The following ZNF804B variants were observed in gnomAD, a reference collection of about 807,000 sequenced individuals.
ZNF804B encodes zinc finger 804B.
Under a neutral mutation model 101.4 loss-of-function variants are expected in ZNF804B, and 80 were observed. The observed-to-expected ratio is 0.79, with a 90% confidence interval of 0.66 to 0.95. The LOEUF (loss-of-function observed/expected upper bound fraction) is 0.95, where lower values mean the gene tolerates loss of function less well. Ranked by LOEUF, ZNF804B falls within the 40% of genes least tolerant of loss-of-function variation. The probability of loss-of-function intolerance (pLI) is 0.00; values close to 1 mark genes in which losing one functional copy is unlikely to be tolerated. For synonymous variants in ZNF804B, 622 were observed against 558.8 expected (o/e 1.11, Z -1.59); for missense variants, 1,673 against 1,561.9 (o/e 1.07, Z -1.20).
At chr7:88,905,368 T>G (rs966724759) in intron 1 of ZNF804B, among the ~76,000 whole-genome samples, 2 of 151,070 alleles carry the variant, frequency 1.3e-5, no homozygotes, top group African/African-American at 4.9e-5. Flanking sequence ...TGTTTTTTGT[T>G]TTTTTTTTAG....
intron 2 of ZNF804B, among the ~76,000 whole-genome samples, chr7:89,253,448 T>G (rs1157219189): frequency 6.6e-6 from 1 of 151,908 alleles, no homozygotes. Context: ...AATAAAAGAG[T>G]ATTAGGAAAA....
chr7:88,900,360 G>T (rs2115951155), intron 1 of ZNF804B, among the ~76,000 whole-genome samples: 1 of 151,682 alleles, frequency 6.6e-6, no homozygotes, highest in Non-Finnish European at 1.5e-5. Context: ...TATGGATATT[G>T]CATTCCTATT....
chr7:89,173,214 T>C (rs1191482114), intron 1 of ZNF804B, among the ~76,000 whole-genome samples: 1 of 152,112 alleles, frequency 6.6e-6, no homozygotes, highest in East Asian at 1.9e-4. Context: ...CATTATGAGC[T>C]TTTATTATTT....
chr7:88,877,026 AATATATAT>A (rs1231449305), intron 1 of ZNF804B, among the ~76,000 whole-genome samples: 42 of 41,098 alleles, frequency 1.0e-3, no homozygotes, highest in South Asian at 1.4e-3. Flanking sequence ...ATATATATAT[AATATATAT>A]ATATATATAT....
At chr7:88,891,462 TTA>T (rs1285100825) in intron 1 of ZNF804B, among the ~76,000 whole-genome samples, 3 of 152,138 alleles carry the variant, frequency 2.0e-5, no homozygotes, top group African/African-American at 7.2e-5. Flanking sequence ...TCCTTATGCA[TTA>T]TATGTCTATT....
At chr7:88,980,715 A>G (rs1400597029) in intron 1 of ZNF804B, among the ~76,000 whole-genome samples, 1 of 151,972 alleles carries the variant, frequency 6.6e-6, no homozygotes, top group Non-Finnish European at 1.5e-5. Context: ...AGGGGGTGAC[A>G]CAAGCATCGC....
At chr7:89,021,567 A>G (rs1258427572) in intron 1 of ZNF804B, among the ~76,000 whole-genome samples, 1 of 152,180 alleles carries the variant, frequency 6.6e-6, no homozygotes, top group Non-Finnish European at 1.5e-5. Flanking sequence ...GCACAGGTAC[A>G]TCACTGCTAG....
At chr7:89,239,865 G>C (rs980223299) in intron 2 of ZNF804B, among the ~76,000 whole-genome samples, 5 of 150,930 alleles carry the variant, frequency 3.3e-5, no homozygotes, top group Admixed American at 2.0e-4. Flanking sequence ...AACTTTCATT[G>C]AAAAATCTAG....
chr7:89,088,297 A>G (rs549223432), intron 1 of ZNF804B, among the ~76,000 whole-genome samples: 1 of 152,190 alleles, frequency 6.6e-6, no homozygotes, highest in African/African-American at 2.4e-5. Flanking sequence ...TGACATGTAA[A>G]TAAATTCCCA....
chr7:88,764,348 T>C (rs979807609), intron 1 of ZNF804B, among the ~76,000 whole-genome samples: 7 of 152,186 alleles, frequency 4.6e-5, no homozygotes, highest in Non-Finnish European at 8.8e-5. Context: ...TCCTGGAATA[T>C]CTTTTTCTGG....
intron 1 of ZNF804B, among the ~76,000 whole-genome samples, chr7:88,879,825 G>A (rs1792006475): frequency 6.6e-6 from 1 of 152,140 alleles, no homozygotes; most frequent in South Asian, 2.1e-4. Context: ...GATTGCTTGA[G>A]CTCAGAAGTT....
At chr7:89,319,037 C>T (rs556963348) in intron 2 of ZNF804B, among the ~76,000 whole-genome samples, 4 of 152,288 alleles carry the variant, frequency 2.6e-5, no homozygotes, top group African/African-American at 9.6e-5. Context: ...AGACACAGAT[C>T]GCTCATGCTA....
chr7:88,790,162 A>T (rs890105541), intron 1 of ZNF804B, among the ~76,000 whole-genome samples: 18 of 152,158 alleles, frequency 1.2e-4, no homozygotes, highest in African/African-American at 3.4e-4. Context: ...TTATATGAAT[A>T]TTAAATATTA....
At chr7:88,866,901 A>G (rs1024032885) in intron 1 of ZNF804B, among the ~76,000 whole-genome samples, 8 of 152,206 alleles carry the variant, frequency 5.3e-5, no homozygotes, top group Admixed American at 3.9e-4. Flanking sequence ...CCTAGAATTG[A>G]TTACAGTCAA....
chr7:88,975,235 A>C (rs946930433), intron 1 of ZNF804B, among the ~76,000 whole-genome samples: 1 of 151,390 alleles, frequency 6.6e-6, no homozygotes, highest in South Asian at 2.1e-4. Flanking sequence ...TGCTGCAATA[A>C]ACATGGGAGG....
intron 1 of ZNF804B, among the ~76,000 whole-genome samples, chr7:89,075,347 A>T (rs772123533): frequency 3.9e-5 from 6 of 152,154 alleles, no homozygotes; most frequent in Non-Finnish European, 8.8e-5. Context: ...GCTGCGTGCC[A>T]TCTAGGGACT....
chr7:89,164,852 T>G (rs551249422), intron 1 of ZNF804B, among the ~76,000 whole-genome samples: 8 of 152,078 alleles, frequency 5.3e-5, no homozygotes, highest in Non-Finnish European at 1.2e-4. Context: ...GGCTAAATAA[T>G]GAGATTAAGG....
intron 1 of ZNF804B, among the ~76,000 whole-genome samples, chr7:89,184,747 A>G (rs1035894702): frequency 1.3e-5 from 2 of 152,140 alleles, no homozygotes; most frequent in African/African-American, 2.4e-5. Flanking sequence ...AGAGAGCTAT[A>G]TTTGGAACAA....
intron 3 of ZNF804B, among the ~76,000 whole-genome samples, chr7:89,330,196 A>T (rs1244503683): frequency 1.3e-5 from 2 of 151,718 alleles, no homozygotes; most frequent in Non-Finnish European, 3.0e-5. Flanking sequence ...TTTCATTGAG[A>T]ATGCAACTGT....
Sources: allele counts gnomAD v4.1 joint callset (sites outside exome capture counted in the v4.1 genomes callset), GRCh38; gene constraint gnomAD v4.1.1; transcripts MANE v1.5; gene names NCBI Gene and HGNC (gene_info 2026-07-23, HGNC 2026-07-21).